RYR1: variants seen among roughly 807,000 people sequenced by gnomAD.
RYR1 encodes the protein central core disease of muscle.
A neutral mutation model predicts 583.5 loss-of-function variants in RYR1; 342 were observed. The ratio of observed to expected loss-of-function variants is 0.59; its 90% CI spans 0.54 to 0.64. The LOEUF (loss-of-function observed/expected upper bound fraction) is 0.64, where lower values mean the gene tolerates loss of function less well. Among genes scored for constraint, RYR1 ranks in the 30% least tolerant of loss-of-function variants. The pLI, the probability that RYR1 is intolerant of heterozygous loss-of-function variation, is 0.00. For missense variants in RYR1, 6,032 were observed against 6,917.2 expected (o/e 0.87, Z 4.54); for synonymous variants, 2,791 against 2,822.5 (o/e 0.99, Z 0.35).
chr19:38,578,551 G>C (rs1330140997), intron 99 of RYR1, among the ~76,000 whole-genome samples: 1 of 152,138 alleles, frequency 6.6e-6, no homozygotes, highest in Non-Finnish European at 1.5e-5. Flanking sequence ...AATTAGCTGG[G>C]GCTGGGCGTG....
intron 47 of RYR1, 73 bp from the exon 48 acceptor site, chr19:38,502,434 A>C: frequency 5.7e-6 from 8 of 1,405,988 alleles, no homozygotes; most frequent in Non-Finnish European, 7.8e-6. Context: ...CTTTGGCCAC[A>C]GTCGCTCAAG....
chr19:38,532,582 C>T (rs776319953), intron 77 of RYR1, 41 bp downstream of exon 77: 1 of 1,613,514 alleles, frequency 6.2e-7, no homozygotes, highest in Non-Finnish European at 8.5e-7. Flanking sequence ...ATTTCCCTCT[C>T]CCCACCTGCA....
In RYR1 at chr19:38,450,510, G is replaced by A. The variant is rs60068553; in HGVS notation, c.1123-1254G>A. On this transcript the variant is annotated intron_variant, in intron 11 of 105. Coordinates refer to ENST00000359596, the MANE Select transcript of RYR1 (RefSeq NM_000540.3). ...GGGGACATTTAATAGGCGAAAGAAGGAGCTCTCTACTGCAGAGAAGGGTCC... is the reference window on the plus strand; with the variant it reads ...GGGGACATTTAATAGGCGAAAGAAGAAGCTCTCTACTGCAGAGAAGGGTCC... 3.5e-3 allele frequency among the ~76,000 whole-genome samples: 539 copies of A among 152,042 alleles called. 2 individuals are homozygous for A. The highest frequency in any genetic ancestry group is 0.013 in the African/African-American group (521 of 41,502).
rs2145598122 is a variant in RYR1, at chr19:38,499,193, G to C, written c.6977G>C (p.Cys2326Ser). 1 of 1,614,224 alleles carries C rather than the reference G, an allele frequency of 6.2e-7. No homozygotes were observed. The highest frequency in any genetic ancestry group is 2.2e-5 in the East Asian group (1 of 44,882). Residue 2326 changes from cysteine (C) to serine (S), a missense_variant, in exon 43 of 106, where the codon TGT becomes TCT. Coordinates refer to ENST00000359596, the MANE Select transcript of RYR1 (RefSeq NM_000540.3). The surrounding 1 kb of genome is among the most constrained non-coding windows in gnomAD (Gnocchi z 7.3). ...KGYPDIGWNP[C>S]GGERYLDFLR... is the part of the protein sequence containing the mutation. ...TACCCAGACATTGGCTGGAACCCCT[G>C]TGGTGGAGAGCGCTACCTGGACTTC...
chr19:38,477,653 G>GC, intron 29 of RYR1, 57 bp from the exon 30 acceptor site: 2 of 1,613,096 alleles, frequency 1.2e-6, no homozygotes, highest in Non-Finnish European at 1.7e-6. Flanking sequence ...CGAGTCCCAG[G>GC]GAGCCCGAGT....
Position 38,478,470 on chromosome 19 carries a change from G to A in RYR1, c.4490G>A (p.Gly1497Glu). The change falls in exon 31 of 106, where the codon GGA (glycine) becomes GAA (glutamate). Residue 1497 changes from glycine to glutamate, a missense_variant. Gly to Glu is a moderately conservative substitution (Grantham distance 98). Coordinates refer to ENST00000359596, the MANE Select transcript of RYR1 (RefSeq NM_000540.3). ...AGCAACTGCTACATGGTGTGGGGCG[G>A]AGACTTTGTGAGTCCCGGGCAGCAG... is the stretch of plus-strand genomic sequence containing the variant. ...KCSNCYMVWG[G>E]DFVSPGQQGR... 6.2e-7 allele frequency: 1 copy of A among 1,614,044 alleles called. No individual in the cohort carries two copies. Among genetic ancestry groups the A allele is most frequent in the Non-Finnish European group, 8.5e-7 (1 of 1,180,032 alleles).
chr19:38,529,125 T>C (rs1971618570), intron 76 of RYR1, 68 bp downstream of exon 76: 2 of 1,516,738 alleles, frequency 1.3e-6, no homozygotes, highest in African/African-American at 2.7e-5. Context: ...CCCAGCAGCT[T>C]CCCTGTGCCT....
chr19:38,477,984 G>C, intron 30 of RYR1, 114 bp downstream of exon 30: 2 of 1,105,174 alleles, frequency 1.8e-6, no homozygotes, highest in African/African-American at 3.1e-5. Context: ...ACTTTCTGGA[G>C]CGGGAGGATT....
intron 20 of RYR1, among the ~76,000 whole-genome samples, chr19:38,461,104 AGATCGT>A (rs1967713909): frequency 6.6e-6 from 1 of 152,132 alleles, no homozygotes; most frequent in Non-Finnish European, 1.5e-5. Context: ...CAATGAGCCA[AGATCGT>A]GCCACTACAC....
chr19:38,587,298 A>G lies in RYR1; in HGVS notation c.15022-27A>G, dbSNP rs765172524. The stretch of plus-strand genomic sequence containing the variant: ...TCTCAAGGGTTTGAAGATGTGACCA[A>G]TGAACTCTTTCTATCCCCAATCCTA... On this transcript the variant is annotated intron_variant, in intron 105 of 105. Coordinates refer to ENST00000359596, the MANE Select transcript of RYR1 (RefSeq NM_000540.3). 6.7e-6 allele frequency: 10 copies of G among 1,490,318 alleles called. 1 individual carries two copies. The highest frequency in any genetic ancestry group is 1.7e-4 in the Middle Eastern group (1 of 5,798). The allele number at this position is 1,490,318 out of a possible 1,614,324, so 92.3% of individuals were successfully genotyped here.
At chr19:38,557,427 G>T (rs969821731) in intron 89 of RYR1, among the ~76,000 whole-genome samples, 2 of 152,244 alleles carry the variant, frequency 1.3e-5, no homozygotes, top group African/African-American at 4.8e-5. Context: ...GGGTGTGGGA[G>T]TGAGCAGGGT....
chr19:38,479,209 C>T (rs1360711671), intron 31 of RYR1, among the ~76,000 whole-genome samples: 1 of 152,162 alleles, frequency 6.6e-6, no homozygotes, highest in Non-Finnish European at 1.5e-5. Context: ...ACATTTTATT[C>T]TGAAAAATTT....
At chr19:38,563,210 G>A (rs769507219) in intron 90 of RYR1, among the ~76,000 whole-genome samples, 2 of 152,184 alleles carry the variant, frequency 1.3e-5, no homozygotes, top group African/African-American at 2.4e-5. Flanking sequence ...AGGCATCCAC[G>A]TATGCCCATG....
In RYR1 at chr19:38,543,527, A is replaced by G; in HGVS notation, c.11779-5A>G. Reference sequence around the variant, plus strand: ...ACCCCCTCACACCCTACCCGCCCCCACCAGGAATCCATCAGCGACTTCTAC... The same window carrying G: ...ACCCCCTCACACCCTACCCGCCCCCGCCAGGAATCCATCAGCGACTTCTAC... On this transcript the variant is annotated splice_region_variant and splice_polypyrimidine_tract_variant and intron_variant, in intron 85 of 105. Transcript: ENST00000359596. This position sits in a 1 kb window ranked among gnomAD's most constrained non-coding sequence, Gnocchi z 4.4. 1 of 1,572,218 alleles carries G rather than the reference A, an allele frequency of 6.4e-7. No homozygotes were observed. Among genetic ancestry groups the G allele is most frequent in the Non-Finnish European group, 8.7e-7 (1 of 1,147,976 alleles).
At chr19:38,525,908 A>T (rs1355340341) in intron 71 of RYR1, among the ~76,000 whole-genome samples, 1 of 151,258 alleles carries the variant, frequency 6.6e-6, no homozygotes, top group Non-Finnish European at 1.5e-5. Context: ...GCCCCTTGGG[A>T]CCTACTGAGA....
chr19:38,507,509 C>G (rs555854353), intron 57 of RYR1, among the ~76,000 whole-genome samples: 2 of 98,308 alleles, frequency 2.0e-5, no homozygotes, highest in African/African-American at 4.2e-5. Context: ...TGAGAGGGGC[C>G]GGCCCTGGGG....
At chr19:38,497,047 G>A in intron 42 of RYR1, 93 bp downstream of exon 42, 1 of 1,071,048 alleles carries the variant, frequency 9.3e-7, no homozygotes, top group Non-Finnish European at 1.4e-6. Context: ...AACTCATTCT[G>A]GGGGGCAATT....
In RYR1 at chr19:38,585,814, C is replaced by T. The variant is rs2907615; in HGVS notation, c.14804-124C>T. 5,126 of 1,179,296 alleles carry T rather than the reference C, an allele frequency of 4.3e-3. 139 individuals carry two copies. In the African/African-American group the frequency reaches 0.063, roughly 14 times the overall value. 73.1% of individuals were successfully genotyped at this position (1,179,296 alleles called of 1,614,324 possible). On this transcript the variant is annotated intron_variant, in intron 102 of 105. Coordinates refer to ENST00000359596, the MANE Select transcript of RYR1 (RefSeq NM_000540.3). The stretch of plus-strand genomic sequence containing the variant: ...GGCCTAATACTATCTTCTTAGGAAG[C>T]GAGATTAGGGGTGAGATTAGGGAAA...
intron 96 of RYR1, among the ~76,000 whole-genome samples, chr19:38,573,693 CAAA>C (rs75549330): frequency 7.7e-6 from 1 of 129,788 alleles, no homozygotes. Flanking sequence ...TCCCCCCAGA[CAAA>C]AAAAAAAAAA....
Sources: allele counts gnomAD v4.1 joint callset (sites outside exome capture counted in the v4.1 genomes callset), GRCh38; gene constraint gnomAD v4.1.1; non-coding constraint Gnocchi (gnomAD v3.1); transcripts MANE v1.5; gene names NCBI Gene and HGNC (gene_info 2026-07-23, HGNC 2026-07-21).